PAWR: variants seen among roughly 807,000 people sequenced by gnomAD.
PAWR encodes PRKC apoptosis WT1 regulator protein.
In PAWR, 23 loss-of-function variants were observed where a neutral mutation model predicts 32.0. That is an observed-to-expected ratio of 0.72 (90% confidence interval 0.52 to 1.02). PAWR has a LOEUF of 1.02. Ranked by LOEUF, PAWR falls within the 50% of genes least tolerant of loss-of-function variation. The pLI, the probability that PAWR is intolerant of heterozygous loss-of-function variation, is 0.00. For missense variants in PAWR, 457 were observed against 437.7 expected, an observed-to-expected ratio of 1.04 and a Z score of -0.39; for synonymous variants, 226 against 187.1, an observed-to-expected ratio of 1.21 and a Z score of -1.70.
intron 2 of PAWR, among the ~76,000 whole-genome samples, chr12:79,630,063 A>G (rs1336885869): frequency 1.3e-5 from 2 of 152,002 alleles, no homozygotes; most frequent in Non-Finnish European, 2.9e-5. Flanking sequence ...AAAGCTATAA[A>G]AAGGGCAAAT....
intron 2 of PAWR, among the ~76,000 whole-genome samples, chr12:79,674,067 T>C (rs989988495): frequency 6.6e-6 from 1 of 152,046 alleles, no homozygotes; most frequent in African/African-American, 2.4e-5. Context: ...AAAATTCATC[T>C]GGAAACAAAA....
chr12:79,588,598 T>G lies in PAWR; in HGVS notation c.*4009A>C, dbSNP rs1873454641. The G allele has an allele frequency of 6.6e-6, 1 of 151,996 alleles. No individual in the cohort carries two copies. 9.4% of individuals were successfully genotyped at this position (151,996 alleles called of 1,614,324 possible). On this transcript the variant is annotated 3_prime_UTR_variant, in exon 7 of 7. Transcript: ENST00000328827. ...AGATTAGACAGGCTAATGCTAAGAC[T>G]GCATTTTGTGCTACTGACATGCACT...
chr12:79,617,596 T>C (rs1422971564), intron 3 of PAWR, among the ~76,000 whole-genome samples: 1 of 152,146 alleles, frequency 6.6e-6, no homozygotes, highest in Non-Finnish European at 1.5e-5. Flanking sequence ...AGGTCCCTTA[T>C]AATTTTTTTA....
At chr12:79,597,057 CTTT>C (rs571008109) in intron 4 of PAWR, 10 of 137,168 alleles carry the variant, frequency 7.3e-5, no homozygotes, top group East Asian at 2.1e-4. Flanking sequence ...CCCAGATTAT[CTTT>C]TTTTTTTTTT....
chr12:79,690,077 C>G lies in PAWR; in HGVS notation c.168G>C (p.Gly56=). The G allele has an allele frequency of 7.1e-7, 1 of 1,418,182 alleles. No individual in the cohort carries two copies. Among genetic ancestry groups the G allele is most frequent in the Non-Finnish European group, 9.1e-7 (1 of 1,096,872 alleles). The allele number at this position is 1,418,182 out of a possible 1,614,324, so 87.8% of individuals were successfully genotyped here. Residue 56 remains glycine, a synonymous_variant, in exon 2 of 7, where the codon GGG becomes GGC. Coordinates refer to ENST00000328827, the MANE Select transcript of PAWR (RefSeq NM_002583.4). ...CGGCGGCCGCCGGGGTGCCCAGAGCCCCCGCGGGGGGCTTCCCAGCGGCGT... is the reference window on the plus strand; with the variant it reads ...CGGCGGCCGCCGGGGTGCCCAGAGCGCCCGCGGGGGGCTTCCCAGCGGCGT... ...SSDAAGKPPA[G]ALGTPAAAAA...
intron 2 of PAWR, among the ~76,000 whole-genome samples, chr12:79,642,327 A>C (rs554881953): frequency 9.2e-5 from 14 of 152,246 alleles, no homozygotes; most frequent in Non-Finnish European, 1.2e-4. Context: ...GAACTTCAGG[A>C]CAACAAGAAA....
At position 79,690,566 on chromosome 12, in the gene PAWR, G is replaced by C. The variant is rs569188687; in HGVS notation, c.-147-175C>G. The C allele has an allele frequency of 3.2e-3, 806 of 253,646 alleles. 3 individuals carry two copies. The highest frequency in any genetic ancestry group is 4.8e-3 in the Non-Finnish European group (649 of 134,480). 15.7% of individuals were successfully genotyped at this position (253,646 alleles called of 1,614,324 possible). On this transcript the variant is annotated intron_variant, in intron 1 of 6. Coordinates refer to ENST00000328827, the MANE Select transcript of PAWR (RefSeq NM_002583.4). ...GTTTCTCCCACGCACCTACAGTACGGACCCCGACGATCGCCGCCCCTAGAA... is the reference window on the plus strand; with the variant it reads ...GTTTCTCCCACGCACCTACAGTACGCACCCCGACGATCGCCGCCCCTAGAA...
Position 79,584,921 on chromosome 12 carries a change from A to G in PAWR, c.*7686T>C, listed in dbSNP as rs1234169103. ...ATTTATTTTTTCCAATCAAGTCTTA[A>G]AAGTTTGATGAAAGCGCATTATTGT... is the stretch of plus-strand genomic sequence containing the variant. On this transcript the variant is annotated 3_prime_UTR_variant, in exon 7 of 7. Transcript: ENST00000328827. The G allele has an allele frequency of 1.1e-5, 2 of 184,474 alleles. No individual in the cohort carries two copies. Among genetic ancestry groups the G allele is most frequent in the Admixed American group, 1.2e-4 (2 of 16,052 alleles). The allele number at this position is 184,474 out of a possible 1,614,324, so 11.4% of individuals were successfully genotyped here.
intron 2 of PAWR, among the ~76,000 whole-genome samples, chr12:79,646,557 G>A (rs1052818735): frequency 6.6e-6 from 1 of 152,064 alleles, no homozygotes; most frequent in Non-Finnish European, 1.5e-5. Context: ...CAGATTTACT[G>A]TATACAACAA....
chr12:79,615,787 T>C (rs1165775195), intron 3 of PAWR, among the ~76,000 whole-genome samples: 1 of 152,162 alleles, frequency 6.6e-6, no homozygotes. Flanking sequence ...CTGGGTGCAG[T>C]GGCTCATACC....
chr12:79,598,423 T>A (rs1273377429), intron 4 of PAWR, among the ~76,000 whole-genome samples: 1 of 152,252 alleles, frequency 6.6e-6, no homozygotes, highest in Non-Finnish European at 1.5e-5. Flanking sequence ...ACATTCATTT[T>A]TAAAAACTTT....
Position 79,665,890 on chromosome 12 carries a change from T to C in PAWR, c.516+23839A>G, listed in dbSNP as rs577707852. ...TGATTTTTCTCTTCCATGGAGTTAA[T>C]AGTAATATATCTCACAATAAATAAG... On this transcript the variant is annotated intron_variant, in intron 2 of 6. Transcript: ENST00000328827. 1.1e-4 allele frequency among the ~76,000 whole-genome samples: 17 copies of C among 152,350 alleles called. No homozygotes were observed. The East Asian group carries it at 1.9e-3, about 17-fold the overall frequency.
chr12:79,667,678 T>C (rs1368689888), intron 2 of PAWR, among the ~76,000 whole-genome samples: 1 of 152,188 alleles, frequency 6.6e-6, no homozygotes, highest in Non-Finnish European at 1.5e-5. Context: ...TATTTACATG[T>C]AATAGTGGAA....
chr12:79,638,796 T>G (rs1236052356), intron 2 of PAWR, among the ~76,000 whole-genome samples: 15 of 135,166 alleles, frequency 1.1e-4, no homozygotes, highest in African/African-American at 4.1e-4. Flanking sequence ...TTGGGGTGTG[T>G]GTGTGTGTGT....
chr12:79,618,561 C>A (rs1243766264), intron 3 of PAWR, among the ~76,000 whole-genome samples: 2 of 152,154 alleles, frequency 1.3e-5, no homozygotes, highest in African/African-American at 4.8e-5. Context: ...TAACTTTGCA[C>A]CCATTGGCCA....
chr12:79,675,419 G>C (rs1313895763), intron 2 of PAWR, among the ~76,000 whole-genome samples: 1 of 151,978 alleles, frequency 6.6e-6, no homozygotes, highest in East Asian at 1.9e-4. Context: ...ATTCTACCAT[G>C]AAGACACAAG....
intron 2 of PAWR, among the ~76,000 whole-genome samples, chr12:79,649,306 G>T (rs565547374): frequency 6.6e-6 from 1 of 151,874 alleles, no homozygotes; most frequent in African/African-American, 2.4e-5. Context: ...GTCTAGTTTG[G>T]GTATTACAAA....
At chr12:79,633,096 G>C (rs1425856988) in intron 2 of PAWR, among the ~76,000 whole-genome samples, 1 of 152,032 alleles carries the variant, frequency 6.6e-6, no homozygotes, top group Non-Finnish European at 1.5e-5. Flanking sequence ...CTGTACTCCA[G>C]CCTAGGCAAA....
At chr12:79,671,123 TAAAAAA>T (rs80196711) in intron 2 of PAWR, among the ~76,000 whole-genome samples, 4 of 98,988 alleles carry the variant, frequency 4.0e-5, no homozygotes, top group African/African-American at 1.5e-4. Flanking sequence ...CCTTAGCACT[TAAAAAA>T]AAAAAAAAAA....
Sources: allele counts gnomAD v4.1 joint callset (sites outside exome capture counted in the v4.1 genomes callset), GRCh38; gene constraint gnomAD v4.1.1; transcripts MANE v1.5; gene names NCBI Gene and HGNC (gene_info 2026-07-23, HGNC 2026-07-21).